The following CMSS1 variants were observed in gnomAD, a reference collection of about 807,000 sequenced individuals.
CMSS1 encodes the protein cms1 ribosomal small subunit homolog, also known as protein CMSS1.
In CMSS1, 33 loss-of-function variants were observed where a neutral mutation model predicts 43.5. The observed-to-expected ratio is 0.76, with a 90% CI of 0.57 to 1.01. CMSS1 has a LOEUF of 1.01. CMSS1 is among the 50% of genes least tolerant of loss of function. CMSS1 has a pLI of 0.00. For missense variants in CMSS1, 313 were observed against 326.4 expected (o/e 0.96, Z 0.32); for synonymous variants, 115 against 117.2 (o/e 0.98, Z 0.12).
At chr3:99,828,402 C>T (rs1382990459) in intron 1 of CMSS1, among the ~76,000 whole-genome samples, 2 of 91,808 alleles carry the variant, frequency 2.2e-5, no homozygotes, top group Non-Finnish European at 4.2e-5. Flanking sequence ...GCACTCTGTA[C>T]ATACGTGTAT....
At chr3:99,936,431 A>C (rs1173404289) in intron 1 of CMSS1, among the ~76,000 whole-genome samples, 1 of 132,562 alleles carries the variant, frequency 7.5e-6, no homozygotes, top group Non-Finnish European at 1.6e-5. Flanking sequence ...GCTAGAGTGC[A>C]GTGGCACGAT....
intron 1 of CMSS1, among the ~76,000 whole-genome samples, chr3:99,831,482 A>C (rs1023809323): frequency 6.6e-6 from 1 of 152,242 alleles, no homozygotes; most frequent in Non-Finnish European, 1.5e-5. Context: ...AAAGACGAAA[A>C]AGGAAGGAAA....
At chr3:100,082,625 G>C (rs751821850) in intron 1 of CMSS1, among the ~76,000 whole-genome samples, 1 of 152,098 alleles carries the variant, frequency 6.6e-6, no homozygotes, top group Non-Finnish European at 1.5e-5. Flanking sequence ...CTGGGAAACA[G>C]GGTCCCACAG....
At chr3:99,847,387 T>G (rs1054849321) in intron 1 of CMSS1, among the ~76,000 whole-genome samples, 1 of 151,982 alleles carries the variant, frequency 6.6e-6, no homozygotes, top group Non-Finnish European at 1.5e-5. Flanking sequence ...TTCAAGAGTT[T>G]ATGTCACAGT....
intron 1 of CMSS1, among the ~76,000 whole-genome samples, chr3:99,872,977 T>G (rs187745306): frequency 1.8e-4 from 27 of 152,224 alleles, no homozygotes; most frequent in African/African-American, 5.3e-4. Context: ...GGTGATAATC[T>G]GCTAGGAATT....
chr3:99,916,273 T>G (rs991255563), intron 1 of CMSS1, among the ~76,000 whole-genome samples: 1 of 152,040 alleles, frequency 6.6e-6, no homozygotes, highest in Admixed American at 6.6e-5. Context: ...CTCCTGATTC[T>G]TAGGGCTTTA....
At chr3:100,088,877 T>A (rs1315805842) in intron 1 of CMSS1, among the ~76,000 whole-genome samples, 1 of 152,172 alleles carries the variant, frequency 6.6e-6, no homozygotes, top group Non-Finnish European at 1.5e-5. Context: ...TTCCTTTTTG[T>A]GATGTAAATG....
intron 1 of CMSS1, among the ~76,000 whole-genome samples, chr3:100,138,757 G>T (rs2066777145): frequency 6.6e-6 from 1 of 152,158 alleles, no homozygotes; most frequent in East Asian, 1.9e-4. Context: ...TAAATTGATA[G>T]TTCAGCCATT....
At chr3:99,906,292 G>A (rs756562174) in intron 1 of CMSS1, among the ~76,000 whole-genome samples, 3 of 152,152 alleles carry the variant, frequency 2.0e-5, no homozygotes, top group Non-Finnish European at 2.9e-5. Flanking sequence ...TTATAATGTT[G>A]AAACTCCCTT....
chr3:99,983,470 A>ATATATGTATATGTG (rs1559713741), intron 1 of CMSS1, among the ~76,000 whole-genome samples: 1 of 9,862 alleles, frequency 1.0e-4, no homozygotes, highest in African/African-American at 3.4e-4. Context: ...GTGTGTATAT[A>ATATATGTATATGTG]TATATATATA....
intron 1 of CMSS1, among the ~76,000 whole-genome samples, chr3:99,858,427 T>TG (rs1944080697): frequency 6.6e-6 from 1 of 152,134 alleles, no homozygotes; most frequent in African/African-American, 2.4e-5. Flanking sequence ...ATCACACCAC[T>TG]GCACTCCAGC....
intron 1 of CMSS1, among the ~76,000 whole-genome samples, chr3:99,863,111 G>A (rs1311483524): frequency 2.0e-5 from 3 of 152,290 alleles, no homozygotes; most frequent in East Asian, 3.9e-4. Context: ...TTTTTCCATG[G>A]ACATGGGAGA....
At chr3:100,105,508 G>C (rs1455482482) in intron 1 of CMSS1, among the ~76,000 whole-genome samples, 4 of 152,142 alleles carry the variant, frequency 2.6e-5, no homozygotes, top group Non-Finnish European at 4.4e-5. Context: ...TTCCAGGAAG[G>C]TTCAGTAATC....
At chr3:99,983,489 T>A (rs1254423999) in intron 1 of CMSS1, among the ~76,000 whole-genome samples, 2 of 25,720 alleles carry the variant, frequency 7.8e-5, no homozygotes, top group African/African-American at 2.4e-4. Flanking sequence ...TATATATATA[T>A]ATATATATAT....
intron 1 of CMSS1, among the ~76,000 whole-genome samples, chr3:100,037,351 T>G (rs1375452688): frequency 1.3e-5 from 2 of 152,122 alleles, no homozygotes; most frequent in Non-Finnish European, 1.5e-5. Context: ...TAATAACTGG[T>G]GAATATGGGT....
intron 1 of CMSS1, among the ~76,000 whole-genome samples, chr3:99,818,395 AG>A (rs1942364524): frequency 6.6e-6 from 1 of 152,178 alleles, no homozygotes; most frequent in African/African-American, 2.4e-5. Context: ...GGTCAGAAGC[AG>A]GGGTTGCTGC....
At position 99,851,108 on chromosome 3, in the gene CMSS1, G is replaced by A. The variant is rs9870153; in HGVS notation, c.64+33065G>A. 1,638 of 1,492,454 alleles carry A rather than the reference G, an allele frequency of 1.1e-3. 14 individuals are homozygous for A. In the African/African-American group the frequency reaches 0.02, roughly 19 times the overall value. The allele number at this position is 1,492,454 out of a possible 1,614,324, so 92.5% of individuals were successfully genotyped here. On this transcript the variant is annotated intron_variant, in intron 1 of 9. Transcript: ENST00000421999. ...AAGTGCATTTTATTTTGTGATTGAT[G>A]CTTTAGTAACTCATCGAATGTACTT...
intron 1 of CMSS1, among the ~76,000 whole-genome samples, chr3:100,097,771 T>G (rs900854565): frequency 6.6e-6 from 1 of 152,226 alleles, no homozygotes; most frequent in African/African-American, 2.4e-5. Flanking sequence ...CAAAGACTAC[T>G]TGGTTATTAA....
At chr3:100,031,836 G>A (rs1336866574) in intron 1 of CMSS1, among the ~76,000 whole-genome samples, 2 of 152,096 alleles carry the variant, frequency 1.3e-5, no homozygotes, top group Non-Finnish European at 2.9e-5. Flanking sequence ...AATATTTTAG[G>A]CCTTGCTGGC....
Sources: allele counts gnomAD v4.1 joint callset (sites outside exome capture counted in the v4.1 genomes callset), GRCh38; gene constraint gnomAD v4.1.1; transcripts MANE v1.5; gene names NCBI Gene and HGNC (gene_info 2026-07-23, HGNC 2026-07-21).